The following SOX6 variants were observed in gnomAD, a reference collection of about 807,000 sequenced individuals.
SOX6 encodes the protein SRY-box transcription factor 6, also known as transcription factor SOX-6.
SOX6 carries 11 observed loss-of-function variants against 97.8 expected under a neutral mutation model. The ratio of observed to expected loss-of-function variants is 0.11; its 90% CI spans 0.07 to 0.19. SOX6 has a LOEUF of 0.19. Ranked by LOEUF, SOX6 falls within the 10% of genes least tolerant of loss-of-function variation. The probability of loss-of-function intolerance (pLI) is 1.00; values close to 1 mark genes in which losing one functional copy is unlikely to be tolerated. For missense variants in SOX6, 810 were observed against 1,039.5 expected (o/e 0.78, Z 3.04); for synonymous variants, 360 against 371.4 (o/e 0.97, Z 0.35).
intron 3 of SOX6, among the ~76,000 whole-genome samples, chr11:16,663,453 G>T (rs1847781474): frequency 6.6e-6 from 1 of 152,022 alleles, no homozygotes; most frequent in African/African-American, 2.4e-5. Flanking sequence ...CCCCCAAGTG[G>T]CTGGGACTAC....
At chr11:16,344,266 G>C (rs934035177) in intron 1 of SOX6, among the ~76,000 whole-genome samples, 2 of 151,344 alleles carry the variant, frequency 1.3e-5, no homozygotes, top group African/African-American at 2.4e-5. Context: ...TTTTTGTTTT[G>C]GGTGGCAGTT....
intron 10 of SOX6, among the ~76,000 whole-genome samples, chr11:16,051,492 G>A (rs1172833359): frequency 2.0e-5 from 3 of 152,014 alleles, no homozygotes; most frequent in Admixed American, 6.6e-5. Context: ...TGTCACATAC[G>A]TTGCAATGTA....
intron 13 of SOX6, among the ~76,000 whole-genome samples, chr11:15,999,218 C>T (rs1338692312): frequency 6.6e-6 from 1 of 152,074 alleles, no homozygotes; most frequent in Admixed American, 6.6e-5. Flanking sequence ...ACTGGAATGG[C>T]TTAAGTGCTA....
chr11:16,054,814 GT>G (rs1162121068), intron 10 of SOX6, among the ~76,000 whole-genome samples: 1 of 152,092 alleles, frequency 6.6e-6, no homozygotes, highest in Non-Finnish European at 1.5e-5. Context: ...TTGTTCCTCT[GT>G]TTGAATTTGA....
intron 4 of SOX6, among the ~76,000 whole-genome samples, chr11:16,601,779 T>A (rs1848273272): frequency 6.6e-6 from 1 of 152,072 alleles, no homozygotes; most frequent in Admixed American, 6.5e-5. Context: ...AAATAATTCC[T>A]AAAAAAGGTC....
Position 16,134,770 on chromosome 11 carries a change from T to C in SOX6, c.778-22847A>G, listed in dbSNP as rs905865823. On this transcript the variant is annotated intron_variant, in intron 6 of 15. Transcript: ENST00000683767. ...GCACCACTGACCAGCTGTTCCCCTG[T>C]CTCTCTCCCTTTCCTTAGGCTTCCC... is the stretch of plus-strand genomic sequence containing the variant. Among the ~76,000 whole-genome samples, 32 of 152,192 alleles carry C rather than the reference T, an allele frequency of 2.1e-4. 3 individuals carry two copies. The highest frequency in any genetic ancestry group is 5.1e-4 in the African/African-American group (21 of 41,434).
At chr11:15,995,405 A>G (rs570949238) in intron 13 of SOX6, among the ~76,000 whole-genome samples, 1 of 152,314 alleles carries the variant, frequency 6.6e-6, no homozygotes, top group South Asian at 2.1e-4. Context: ...CGTGTGCAGC[A>G]GGTAATTTAA....
intron 6 of SOX6, 55 bp from the exon 7 acceptor site, chr11:16,111,978 G>T (rs970080397): frequency 2.1e-5 from 33 of 1,608,944 alleles, no homozygotes; most frequent in African/African-American, 8.0e-5. Context: ...ATGCCAAGAA[G>T]AATTTGTTTT....
At chr11:16,612,021 CA>C (rs1848404386) in intron 4 of SOX6, 1 of 152,558 alleles carries the variant, frequency 6.6e-6, no homozygotes, top group Admixed American at 6.5e-5. Flanking sequence ...GGTGCAAAGC[CA>C]GGCTAGGGAG....
intron 15 of SOX6, among the ~76,000 whole-genome samples, chr11:15,983,609 A>C (rs1179253756): frequency 6.6e-6 from 1 of 152,144 alleles, no homozygotes; most frequent in Non-Finnish European, 1.5e-5. Flanking sequence ...AAACTTCAGG[A>C]AATTAATAAT....
At chr11:16,464,666 C>CTAATATA (rs1859994531) in intron 1 of SOX6, among the ~76,000 whole-genome samples, 1 of 152,072 alleles carries the variant, frequency 6.6e-6, no homozygotes, top group African/African-American at 2.4e-5. Context: ...GCTTCTTGGT[C>CTAATATA]ATAGTTACAA....
intron 3 of SOX6, among the ~76,000 whole-genome samples, chr11:16,682,634 C>G (rs549052275): frequency 6.6e-6 from 1 of 152,334 alleles, no homozygotes; most frequent in Non-Finnish European, 1.5e-5. Context: ...CAACATCATA[C>G]TGAATGGGCA....
chr11:16,446,116 T>C lies in SOX6; in HGVS notation c.-5+30199A>G, dbSNP rs139438731. On this transcript the variant is annotated intron_variant, in intron 1 of 15. Coordinates refer to the SOX6 transcript ENST00000396356. ...AAACAAGGTCCAGTAGCACCTACCT[T>C]ACCTAGATGATTCAAGAATCATCTT... is the stretch of plus-strand genomic sequence containing the variant. Among the ~76,000 whole-genome samples the C allele has an allele frequency of 2.4e-3, 360 of 152,154 alleles. 2 individuals are homozygous for C. The highest frequency in any genetic ancestry group is 6.9e-3 in the African/African-American group (286 of 41,538).
At chr11:16,062,174 C>T (rs767528705) in intron 9 of SOX6, among the ~76,000 whole-genome samples, 13 of 151,364 alleles carry the variant, frequency 8.6e-5, no homozygotes, top group Non-Finnish European at 1.8e-4. Context: ...ACTGTTTGAG[C>T]CATAACTAAT....
intron 4 of SOX6, among the ~76,000 whole-genome samples, chr11:16,512,606 A>T (rs1860896695): frequency 6.6e-6 from 1 of 152,218 alleles, no homozygotes; most frequent in Admixed American, 6.5e-5. Flanking sequence ...AGAGCTACTA[A>T]GTTATTAGTA....
chr11:16,152,406 T>A (rs1354881987), intron 6 of SOX6, among the ~76,000 whole-genome samples: 1 of 152,114 alleles, frequency 6.6e-6, no homozygotes, highest in Non-Finnish European at 1.5e-5. Context: ...AGATGCTCAC[T>A]TCACAAACAA....
At chr11:16,723,349 A>C (rs999346172) in intron 2 of SOX6, among the ~76,000 whole-genome samples, 1 of 152,162 alleles carries the variant, frequency 6.6e-6, no homozygotes, top group South Asian at 2.1e-4. Flanking sequence ...TGGGAGGAGC[A>C]AGAGGAGCCG....
intron 12 of SOX6, among the ~76,000 whole-genome samples, chr11:16,035,536 A>G (rs1203554857): frequency 6.6e-6 from 1 of 152,216 alleles, no homozygotes; most frequent in Non-Finnish European, 1.5e-5. Flanking sequence ...AAAAAGTTAA[A>G]GTATTATCCA....
chr11:16,391,850 T>C lies in SOX6; in HGVS notation c.-4-50598A>G, dbSNP rs538705710. ...TCTTTCTATTTAATTTTTATAACTC[T>C]ACCAAGTAGAAATTTTCTATACTGA... On this transcript the variant is annotated intron_variant, in intron 1 of 15. Transcript: ENST00000396356. Among the ~76,000 whole-genome samples, 29 of 152,172 alleles carry C rather than the reference T, an allele frequency of 1.9e-4. No individual in the cohort carries two copies. In the East Asian group the frequency reaches 5.2e-3, roughly 27 times the overall value.
Sources: allele counts gnomAD v4.1 joint callset (sites outside exome capture counted in the v4.1 genomes callset), GRCh38; gene constraint gnomAD v4.1.1; transcripts MANE v1.5; gene names NCBI Gene and HGNC (gene_info 2026-07-23, HGNC 2026-07-21).